The following TSC22D1 variants were observed in gnomAD, a reference collection of about 807,000 sequenced individuals.
The protein encoded by TSC22D1 is TSC22 domain family member 1, also known as TSC22 domain family protein 1.
A neutral mutation model predicts 74.2 loss-of-function variants in TSC22D1; 9 were observed. The ratio of observed to expected loss-of-function variants is 0.12; its 90% CI spans 0.07 to 0.21. TSC22D1 has a LOEUF of 0.21. TSC22D1 is among the 10% of genes least tolerant of loss of function. The pLI is 1.00. For missense variants in TSC22D1, 1,427 were observed against 1,304.7 expected, an observed-to-expected ratio of 1.09 and a Z score of -1.44; for synonymous variants, 586 against 492.5, an observed-to-expected ratio of 1.19 and a Z score of -2.51.
intron 1 of TSC22D1, among the ~76,000 whole-genome samples, chr13:44,532,348 C>A (rs932277088): frequency 1.3e-5 from 2 of 152,104 alleles, no homozygotes; most frequent in Non-Finnish European, 2.9e-5. Context: ...AAGGAGAAAG[C>A]GGTATGAGTA....
intron 1 of TSC22D1, among the ~76,000 whole-genome samples, chr13:44,512,726 T>C (rs1387812172): frequency 6.6e-6 from 1 of 152,112 alleles, no homozygotes; most frequent in Non-Finnish European, 1.5e-5. Flanking sequence ...CTCAACTCAC[T>C]GCAACCTCTG....
intron 1 of TSC22D1, among the ~76,000 whole-genome samples, chr13:44,498,934 ACTAGT>A (rs1879100088): frequency 1.3e-5 from 2 of 152,242 alleles, no homozygotes; most frequent in South Asian, 2.1e-4. Flanking sequence ...AAAACTGAAA[ACTAGT>A]CTAAGTCAAT....
chr13:44,561,918 C>T (rs1390766673), intron 1 of TSC22D1, among the ~76,000 whole-genome samples: 2 of 152,164 alleles, frequency 1.3e-5, no homozygotes, highest in Non-Finnish European at 2.9e-5. Context: ...AATTCAACTG[C>T]TGGCTCTCCT....
At chr13:44,497,193 TA>T (rs1451023993) in intron 1 of TSC22D1, among the ~76,000 whole-genome samples, 5 of 152,156 alleles carry the variant, frequency 3.3e-5, no homozygotes, top group Non-Finnish European at 7.3e-5. Context: ...GTGGTAAATA[TA>T]TACATGAAAT....
chr13:44,560,297 T>C (rs997048713), intron 1 of TSC22D1, among the ~76,000 whole-genome samples: 1 of 150,392 alleles, frequency 6.6e-6, no homozygotes, highest in African/African-American at 2.4e-5. Flanking sequence ...TTAATAAAAA[T>C]ATTTCAAAGA....
At chr13:44,458,001 A>G (rs1157650679) in intron 1 of TSC22D1, among the ~76,000 whole-genome samples, 6 of 152,240 alleles carry the variant, frequency 3.9e-5, no homozygotes, top group African/African-American at 1.4e-4. Context: ...CTAAGTTTCC[A>G]AGGATTTCAA....
At chr13:44,566,937 G>A (rs1883412465) in intron 1 of TSC22D1, among the ~76,000 whole-genome samples, 1 of 152,084 alleles carries the variant, frequency 6.6e-6, no homozygotes, top group Non-Finnish European at 1.5e-5. Flanking sequence ...GGGGGGAGAA[G>A]GTGCTAAAAT....
upstream of TSC22D1, among the ~76,000 whole-genome samples, chr13:44,576,847 G>C (rs1884287202): frequency 6.6e-6 from 1 of 151,604 alleles, no homozygotes; most frequent in Admixed American, 6.6e-5. Flanking sequence ...GGCGGCGGCG[G>C]TGGCAGCGGG....
intron 1 of TSC22D1, among the ~76,000 whole-genome samples, chr13:44,451,199 G>A (rs1876102171): frequency 1.3e-5 from 2 of 152,204 alleles, no homozygotes; most frequent in Admixed American, 6.5e-5. Context: ...ATGAGCCAAT[G>A]GACAGTCCGT....
chr13:44,503,432 A>G (rs974962781), intron 1 of TSC22D1, among the ~76,000 whole-genome samples: 50 of 152,158 alleles, frequency 3.3e-4, no homozygotes, highest in African/African-American at 1.1e-3. Context: ...TAAAGTTGAC[A>G]TGGCAGAAGT....
In TSC22D1 at chr13:44,434,264, T is replaced by TA; in HGVS notation, c.*361dup. The TA allele has an allele frequency of 7.2e-7, 1 of 1,395,934 alleles. No homozygotes were observed. Among genetic ancestry groups the TA allele is most frequent in the Non-Finnish European group, 9.2e-7 (1 of 1,086,954 alleles). 86.5% of individuals were successfully genotyped at this position (1,395,934 alleles called of 1,614,324 possible). On this transcript the variant is annotated 3_prime_UTR_variant, in exon 3 of 3. Coordinates refer to ENST00000458659, the MANE Select transcript of TSC22D1 (RefSeq NM_183422.4). ...CGCTTCACAACCCCATGTAGGACACTAAGCGCAAGCAGGAGAGAGAACCCT... is the reference window on the plus strand; with the variant it reads ...CGCTTCACAACCCCATGTAGGACACTAAAGCGCAAGCAGGAGAGAGAACCCT...
chr13:44,523,995 G>C (rs892200452), intron 1 of TSC22D1, among the ~76,000 whole-genome samples: 3 of 152,008 alleles, frequency 2.0e-5, no homozygotes, highest in African/African-American at 7.2e-5. Context: ...ATGAGAAAAA[G>C]CCTTTGAAAA....
chr13:44,558,518 C>G (rs1276039376), intron 1 of TSC22D1, among the ~76,000 whole-genome samples: 2 of 151,958 alleles, frequency 1.3e-5, no homozygotes, highest in Non-Finnish European at 2.9e-5. Context: ...GGCGGATGGA[C>G]AGTCTGAGCT....
At position 44,434,058 on chromosome 13, in the gene TSC22D1, TTG is replaced by T; in HGVS notation, c.*566_*567del. ...TCACCATTTTGTCACTCTCATAGTTTTGTGTCATCCATTGTTTGAGAAGAAAG... is the reference window on the plus strand; with the variant it reads ...TCACCATTTTGTCACTCTCATAGTTTTGTCATCCATTGTTTGAGAAGAAAG... On this transcript the variant is annotated 3_prime_UTR_variant, in exon 3 of 3. Transcript: ENST00000458659. 1 of 1,530,178 alleles carries T rather than the reference TTG, an allele frequency of 6.5e-7. No individual in the cohort carries two copies. The highest frequency in any genetic ancestry group is 8.7e-7 in the Non-Finnish European group (1 of 1,145,702). 94.8% of individuals were successfully genotyped at this position (1,530,178 alleles called of 1,614,324 possible). A position where few individuals can be genotyped will look rare whatever the true frequency, so the allele number is the denominator to read the frequency against.
At chr13:44,499,411 A>C (rs1879122823) in intron 1 of TSC22D1, among the ~76,000 whole-genome samples, 1 of 152,178 alleles carries the variant, frequency 6.6e-6, no homozygotes, top group Non-Finnish European at 1.5e-5. Context: ...AAAATATCTA[A>C]AATATATAAA....
In TSC22D1 at chr13:44,434,776, G is replaced by A. The variant is rs144846910; in HGVS notation, c.3072C>T (p.Asn1024=). The A allele has an allele frequency of 1.9e-6, 3 of 1,613,940 alleles. No individual in the cohort carries two copies. In the African/African-American group the frequency reaches 4.0e-5, roughly 22 times the overall value. The part of the protein sequence containing the change: ...IEKNSQLEQE[N]NLLKTLASPE... ...GACTGGCCAGTGTCTTCAGCAGATTGTTCTCCTGCTCCAGCTGGGAATTTT... is the reference window on the plus strand; with the variant it reads ...GACTGGCCAGTGTCTTCAGCAGATTATTCTCCTGCTCCAGCTGGGAATTTT... Residue 1024 remains asparagine, a synonymous_variant, in exon 3 of 3, where the codon AAC becomes AAT. Transcript: ENST00000458659.
Position 44,434,456 on chromosome 13 carries a change from T to A in TSC22D1, c.*170A>T. On this transcript the variant is annotated 3_prime_UTR_variant, in exon 3 of 3. Coordinates refer to ENST00000458659, the MANE Select transcript of TSC22D1 (RefSeq NM_183422.4). Reference sequence around the variant, plus strand: ...CCAACTAAGAAATTTCTCCAAGCCATAAGCATATGAGTGTTTAATACTGGA... The same window carrying A: ...CCAACTAAGAAATTTCTCCAAGCCAAAAGCATATGAGTGTTTAATACTGGA... The A allele has an allele frequency of 7.3e-7, 1 of 1,363,930 alleles. No homozygotes were observed. The highest frequency in any genetic ancestry group is 9.4e-7 in the Non-Finnish European group (1 of 1,066,088). The allele number at this position is 1,363,930 out of a possible 1,614,324, so 84.5% of individuals were successfully genotyped here.
intron 1 of TSC22D1, among the ~76,000 whole-genome samples, chr13:44,520,248 T>C (rs1880246553): frequency 6.6e-6 from 1 of 152,116 alleles, no homozygotes. Context: ...CGAATCAGAC[T>C]AAAAACTGGC....
chr13:44,434,746 C>T lies in TSC22D1; in HGVS notation c.3102G>A (p.Glu1034=), dbSNP rs759372653. 4 of 1,613,908 alleles carry T rather than the reference C, an allele frequency of 2.5e-6. No homozygotes were observed. Among genetic ancestry groups the T allele is most frequent in the Non-Finnish European group, 2.5e-6 (3 of 1,180,026 alleles). Residue 1034 remains glutamate (E), a synonymous_variant, in exon 3 of 3, where the codon GAG becomes GAA. Transcript: ENST00000458659. ...NNLLKTLASP[E]QLAQFQAQLQ... is the part of the protein sequence containing the mutation. Reference sequence around the variant, plus strand: ...GCTGGGCCTGAAACTGGGCAAGCTGCTCAGGACTGGCCAGTGTCTTCAGCA... The same window carrying T: ...GCTGGGCCTGAAACTGGGCAAGCTGTTCAGGACTGGCCAGTGTCTTCAGCA...
Sources: gnomAD v4.1 joint callset for allele counts (sites outside exome capture counted in the v4.1 genomes callset) on GRCh38, gnomAD v4.1.1 for gene constraint, MANE v1.5 for transcripts, NCBI Gene and HGNC (gene_info 2026-07-23, HGNC 2026-07-21) for gene names.